Variants in GSE1 observed in about 807,000 individuals in gnomAD.
GSE1 encodes the protein Gse1 coiled-coil protein.
Under a neutral mutation model 112.6 loss-of-function variants are expected in GSE1, and 32 were observed. The observed-to-expected ratio is 0.28, with a 90% CI of 0.21 to 0.38. The LOEUF is 0.38. Among genes scored for constraint, GSE1 ranks in the 10% least tolerant of loss-of-function variants. The pLI, the probability that GSE1 is intolerant of heterozygous loss-of-function variation, is 1.00. For synonymous variants in GSE1, 1,115 were observed against 735.6 expected, an observed-to-expected ratio of 1.52 and a Z score of -8.35; for missense variants, 2,348 against 1,699.2, an observed-to-expected ratio of 1.38 and a Z score of -6.71.
chr16:85,616,359 T>C (rs1259124506), intron 1 of GSE1, among the ~76,000 whole-genome samples: 2 of 152,222 alleles, frequency 1.3e-5, no homozygotes, highest in African/African-American at 4.8e-5. Context: ...CTGCTACCTT[T>C]TCCCTGCCTC....
At chr16:85,650,672 C>T (rs576931328) in intron 3 of GSE1, among the ~76,000 whole-genome samples, 6 of 152,294 alleles carry the variant, frequency 3.9e-5, no homozygotes, top group East Asian at 1.9e-4. Flanking sequence ...AACACGGTGC[C>T]GCCAGGGAAG....
chr16:85,569,051 C>A (rs766514949), intron 1 of GSE1, among the ~76,000 whole-genome samples: 30 of 152,196 alleles, frequency 2.0e-4, no homozygotes, highest in African/African-American at 6.5e-4. Flanking sequence ...TGGCATGCAA[C>A]GGAGCCTCCT....
chr16:85,270,875 G>A (rs1908760105), intron 1 of GSE1, among the ~76,000 whole-genome samples: 1 of 152,314 alleles, frequency 6.6e-6, no homozygotes. Context: ...GACAGAGGCA[G>A]GCGGACATGG....
chr16:85,468,616 C>T (rs1349151628), intron 2 of GSE1, among the ~76,000 whole-genome samples: 1 of 152,110 alleles, frequency 6.6e-6, no homozygotes, highest in Admixed American at 6.5e-5. Flanking sequence ...GACACCACCC[C>T]CAGCCCTCGT....
At chr16:85,239,696 A>T (rs1343529403) in intron 1 of GSE1, among the ~76,000 whole-genome samples, 1 of 152,212 alleles carries the variant, frequency 6.6e-6, no homozygotes, top group Admixed American at 6.5e-5. Flanking sequence ...GGGTAACTCC[A>T]TACCCGACCT....
chr16:85,636,897 A>G (rs2050047715), intron 2 of GSE1, among the ~76,000 whole-genome samples: 1 of 151,978 alleles, frequency 6.6e-6, no homozygotes, highest in Non-Finnish European at 1.5e-5. Context: ...CAGTGGGGAC[A>G]TGTGGACCCC....
At chr16:85,670,472 T>G (rs1464226273) in intron 14 of GSE1, among the ~76,000 whole-genome samples, 1 of 152,226 alleles carries the variant, frequency 6.6e-6, no homozygotes, top group African/African-American at 2.4e-5. Context: ...GACTCTAGTT[T>G]TATTGTACTT....
At chr16:85,232,035 G>A (rs1159010655) in intron 1 of GSE1, among the ~76,000 whole-genome samples, 3 of 152,214 alleles carry the variant, frequency 2.0e-5, no homozygotes, top group African/African-American at 7.2e-5. Flanking sequence ...CCTGGGCCAA[G>A]CCAGGCTCAC....
At chr16:85,382,895 C>T (rs765581332) in intron 2 of GSE1, among the ~76,000 whole-genome samples, 19 of 151,508 alleles carry the variant, frequency 1.3e-4, no homozygotes, top group East Asian at 5.8e-4. Flanking sequence ...TGCACACACA[C>T]GCATACACTT....
chr16:85,313,982 GTGTGTA>G (rs572957607), intron 1 of GSE1, among the ~76,000 whole-genome samples: 5,978 of 149,926 alleles, frequency 0.04, 405 homozygotes, highest in African/African-American at 0.14. Context: ...ACAGCCTAGT[GTGTGTA>G]TGTGTGTGTG....
chr16:85,175,365 T>C (rs2074440532), intron 1 of GSE1, among the ~76,000 whole-genome samples: 1 of 152,084 alleles, frequency 6.6e-6, no homozygotes, highest in African/African-American at 2.4e-5. Flanking sequence ...CCTGCAAGCT[T>C]CCCAAGGAAG....
chr16:85,344,308 C>T (rs933288469), intron 1 of GSE1, among the ~76,000 whole-genome samples: 6 of 152,126 alleles, frequency 3.9e-5, no homozygotes, highest in African/African-American at 1.2e-4. Flanking sequence ...GGAGGGGACT[C>T]CTAGGCAGTT....
At chr16:85,336,089 GGTTC>G (rs2046477574) in intron 1 of GSE1, among the ~76,000 whole-genome samples, 2 of 152,176 alleles carry the variant, frequency 1.3e-5, no homozygotes, top group Non-Finnish European at 2.9e-5. Flanking sequence ...CCCTGCCCCG[GGTTC>G]AGGCCAGGGT....
chr16:85,245,843 C>T (rs1187207878), intron 1 of GSE1, among the ~76,000 whole-genome samples: 1 of 152,024 alleles, frequency 6.6e-6, no homozygotes, highest in Admixed American at 6.6e-5. Flanking sequence ...CTGAACTTTC[C>T]TGGTCCTCAC....
intron 2 of GSE1, among the ~76,000 whole-genome samples, chr16:85,516,923 G>T (rs1425557717): frequency 6.6e-6 from 1 of 150,926 alleles, no homozygotes; most frequent in Admixed American, 6.7e-5. Flanking sequence ...TCAGCCTCCC[G>T]AGTAGCTGGG....
chr16:85,411,858 C>T (rs796073855), intron 2 of GSE1, among the ~76,000 whole-genome samples: 2 of 8,738 alleles, frequency 2.3e-4, no homozygotes, highest in Admixed American at 3.6e-4. Context: ...TAATCCTCAC[C>T]GTTACACTCA....
At chr16:85,203,968 A>C (rs2075073232) in intron 1 of GSE1, among the ~76,000 whole-genome samples, 1 of 152,112 alleles carries the variant, frequency 6.6e-6, no homozygotes, top group Non-Finnish European at 1.5e-5. Flanking sequence ...ACGAGGTCTC[A>C]CTATGTTGCT....
intron 2 of GSE1, among the ~76,000 whole-genome samples, chr16:85,537,056 C>T (rs534274606): frequency 6.6e-6 from 1 of 152,208 alleles, no homozygotes; most frequent in Admixed American, 6.5e-5. Flanking sequence ...TCCAGCACCT[C>T]GCCCAGGAAG....
intron 1 of GSE1, chr16:85,306,226 C>T (rs2045673996): frequency 6.5e-6 from 1 of 154,220 alleles, no homozygotes; most frequent in Admixed American, 6.5e-5. Context: ...AACAGTCCAG[C>T]CCTGGCTGTG....
Sources: allele counts gnomAD v4.1 joint callset (sites outside exome capture counted in the v4.1 genomes callset), GRCh38; gene constraint gnomAD v4.1.1; transcripts MANE v1.5; gene names NCBI Gene and HGNC (gene_info 2026-07-23, HGNC 2026-07-21).